The following RBCK1 variants were observed in gnomAD, a reference collection of about 807,000 sequenced individuals.
RBCK1 encodes ranBP-type and C3HC4-type zinc finger-containing protein 1.
RBCK1 carries 44 observed loss-of-function variants against 71.1 expected under a neutral mutation model. That is an observed-to-expected ratio of 0.62 (90% confidence interval 0.49 to 0.80). RBCK1 has a LOEUF of 0.80. Among genes scored for constraint, RBCK1 ranks in the 30% least tolerant of loss-of-function variants. RBCK1 has a pLI of 0.00. For missense variants in RBCK1, 569 were observed against 685.0 expected, an observed-to-expected ratio of 0.83 and a Z score of 1.89; for synonymous variants, 306 against 279.7, an observed-to-expected ratio of 1.09 and a Z score of -0.94.
At chr20:419,536 T>TCA in intron 5 of RBCK1, 22 bp from the exon 6 acceptor site, 1 of 1,606,646 alleles carries the variant, frequency 6.2e-7, no homozygotes, top group Non-Finnish European at 8.5e-7. Context: ...CCAGTCGGGC[T>TCA]CACAGCACCC....
Position 422,109 on chromosome 20 carries a change from TC to T in RBCK1, c.918-14del. 6.3e-7 allele frequency: 1 copy of T among 1,597,622 alleles called. No individual in the cohort carries two copies. Among genetic ancestry groups the T allele is most frequent in the Non-Finnish European group, 8.5e-7 (1 of 1,169,624 alleles). ...GGGGTTCCTATGATCCTAACTCTTTTCCCCTCCCCTCCCCTAGGGAGTGCCT... is the reference window on the plus strand; with the variant it reads ...GGGGTTCCTATGATCCTAACTCTTTTCCCTCCCCTCCCCTAGGGAGTGCCT... On this transcript the variant is annotated splice_polypyrimidine_tract_variant and intron_variant, in intron 7 of 11. Coordinates refer to ENST00000356286, the MANE Select transcript of RBCK1 (RefSeq NM_031229.4). This position sits in a 1 kb window ranked among gnomAD's most constrained non-coding sequence, Gnocchi z 5.0.
chr20:408,726 C>A lies in RBCK1; in HGVS notation c.-32C>A. 3 of 1,607,746 alleles carry A rather than the reference C, an allele frequency of 1.9e-6. No individual in the cohort carries two copies. The highest frequency in any genetic ancestry group is 1.7e-6 in the Non-Finnish European group (2 of 1,178,644). ...GGTAGCATTTCCCAGGAGGCACGGTCCCCCCCAGGGGGATGGGCACAGCCA... is the reference window on the plus strand; with the variant it reads ...GGTAGCATTTCCCAGGAGGCACGGTACCCCCCAGGGGGATGGGCACAGCCA... On this transcript the variant is annotated 5_prime_UTR_variant, in exon 1 of 12. Coordinates refer to ENST00000356286, the MANE Select transcript of RBCK1 (RefSeq NM_031229.4).
At chr20:423,256 G>A (rs1036066841) in intron 8 of RBCK1, among the ~76,000 whole-genome samples, 7 of 152,164 alleles carry the variant, frequency 4.6e-5, no homozygotes, top group African/African-American at 9.7e-5. Flanking sequence ...CTGAGATCGC[G>A]CCATTGCACT....
At chr20:410,115 G>A (rs985900593) in intron 2 of RBCK1, 90 bp downstream of exon 2, 1 of 1,421,446 alleles carries the variant, frequency 7.0e-7, no homozygotes, top group Non-Finnish European at 9.5e-7. Flanking sequence ...GCACGTTCTG[G>A]CTTCAGGAGG....
Position 428,502 on chromosome 20 carries a change from G to A in RBCK1, c.1221G>A (p.Glu407=), listed in dbSNP as rs2122333198. The A allele has an allele frequency of 1.2e-6, 2 of 1,608,924 alleles. No homozygotes were observed. The highest frequency in any genetic ancestry group is 1.7e-6 in the Non-Finnish European group (2 of 1,177,826). The change falls in exon 10 of 12, where the codon GAG becomes GAA. Residue 407 remains glutamate, a synonymous_variant. Transcript: ENST00000356286. The surrounding 1 kb of genome is among the most constrained non-coding windows in gnomAD (Gnocchi z 5.7). ...CTCACCCGCTACAGGCCATCCATGA[G>A]CAGATGAACTGCAAGGAGTATCAGG... ...VNCLLCKAIH[E]QMNCKEYQED...
Position 419,735 on chromosome 20 carries a change from G to A in RBCK1, c.756+4G>A. On this transcript the variant is annotated splice_donor_region_variant and intron_variant, in intron 6 of 11. Coordinates refer to ENST00000356286, the MANE Select transcript of RBCK1 (RefSeq NM_031229.4). The stretch of plus-strand genomic sequence containing the variant: ...GGCGCTGCGTCAGTACCAGCAGGTG[G>A]GCGGGAAAGTCCCTGGACAGACACC... The A allele has an allele frequency of 6.4e-7, 1 of 1,551,664 alleles. No homozygotes were observed. The highest frequency in any genetic ancestry group is 8.7e-7 in the Non-Finnish European group (1 of 1,152,234).
rs2016832414 is a variant in RBCK1, at chr20:428,134, C to CT, written c.1210-356dup. 6.6e-6 allele frequency among the ~76,000 whole-genome samples: 1 copy of CT among 152,192 alleles called. No individual in the cohort carries two copies. The highest frequency in any genetic ancestry group is 2.4e-5 in the African/African-American group (1 of 41,446). ...CAAGCTCAGTCTGGGGTCATTGGGC[C>CT]TGTAACCCCGGGCAGGCCCTTGTTA... On this transcript the variant is annotated intron_variant, in intron 9 of 11. Transcript: ENST00000356286. The surrounding 1 kb of genome is among the most constrained non-coding windows in gnomAD (Gnocchi z 5.7).
In RBCK1 at chr20:417,711, C is replaced by G; in HGVS notation, c.262-21C>G. ...TCCTCTGGCCCTCCCTTCCCACTCT[C>G]CCTCTCTTTGCCCCCACCAGGTTTT... On this transcript the variant is annotated intron_variant, in intron 3 of 11. Coordinates refer to ENST00000356286, the MANE Select transcript of RBCK1 (RefSeq NM_031229.4). This position sits in a 1 kb window ranked among gnomAD's most constrained non-coding sequence, Gnocchi z 4.7. 1.9e-6 allele frequency: 3 copies of G among 1,607,646 alleles called. No homozygotes were observed. The highest frequency in any genetic ancestry group is 2.6e-6 in the Non-Finnish European group (3 of 1,174,532).
chr20:416,154 CTTTTTTT>C (rs548467650), intron 2 of RBCK1, among the ~76,000 whole-genome samples: 2 of 133,472 alleles, frequency 1.5e-5, no homozygotes, highest in Admixed American at 7.6e-5. Context: ...TCAGCAGTCA[CTTTTTTT>C]TTTTTTTTTT....
intron 11 of RBCK1, among the ~76,000 whole-genome samples, chr20:429,827 TACTG>T: frequency 6.6e-6 from 1 of 152,296 alleles, no homozygotes; most frequent in Non-Finnish European, 1.5e-5. Context: ...CTCTGGCACA[TACTG>T]ACTGTGTGAT....
chr20:420,154 C>T, intron 6 of RBCK1: 2 of 985,200 alleles, frequency 2.0e-6, no homozygotes, highest in Non-Finnish European at 2.4e-6. Flanking sequence ...GTGACCTCAC[C>T]CTGGACTCTC....
In RBCK1 at chr20:430,298, G is replaced by C. The variant is rs570093249; in HGVS notation, c.1453-52G>C. On this transcript the variant is annotated intron_variant, in intron 11 of 11. Coordinates refer to ENST00000356286, the MANE Select transcript of RBCK1 (RefSeq NM_031229.4). This position sits in a 1 kb window ranked among gnomAD's most constrained non-coding sequence, Gnocchi z 5.6. The stretch of plus-strand genomic sequence containing the variant: ...GGGGTGGGAGAGCGCTCGGCTGTGG[G>C]GGCAGTCTCTGCACTGCGCTGACAT... 9 of 1,496,952 alleles carry C rather than the reference G, an allele frequency of 6.0e-6. No individual in the cohort carries two copies. The highest frequency in any genetic ancestry group is 7.4e-6 in the Non-Finnish European group (8 of 1,076,024). 92.7% of individuals were successfully genotyped at this position (1,496,952 alleles called of 1,614,324 possible). A position where few individuals can be genotyped will look rare whatever the true frequency, so the allele number is the denominator to read the frequency against.
chr20:411,894 G>A (rs1054610007), intron 2 of RBCK1, among the ~76,000 whole-genome samples: 6 of 152,198 alleles, frequency 3.9e-5, no homozygotes, highest in Non-Finnish European at 7.3e-5. Context: ...TCAGTTGATG[G>A]ACATTTGGGT....
chr20:430,466 C>A lies in RBCK1; in HGVS notation c.*36C>A. The A allele has an allele frequency of 6.4e-7, 1 of 1,553,934 alleles. No individual in the cohort carries two copies. The highest frequency in any genetic ancestry group is 1.4e-5 in the African/African-American group (1 of 73,688). On this transcript the variant is annotated 3_prime_UTR_variant, in exon 12 of 12. Transcript: ENST00000356286. The surrounding 1 kb of genome is among the most constrained non-coding windows in gnomAD (Gnocchi z 5.6). Reference sequence around the variant, plus strand: ...GTGGGGCCACATGCTGACCCAGCCCCACATCCACATTCTGTTAGAATGTAG... The same window carrying A: ...GTGGGGCCACATGCTGACCCAGCCCAACATCCACATTCTGTTAGAATGTAG...
rs142975858 is a variant in RBCK1, at chr20:410,538, G to T, written c.167+513G>T. The T allele has an allele frequency of 1.1e-4, 83 of 779,722 alleles. No homozygotes were observed. The East Asian group carries it at 2.0e-3, about 19-fold the overall frequency. The allele number at this position is 779,722 out of a possible 1,614,324, so 48.3% of individuals were successfully genotyped here. A position where few individuals can be genotyped will look rare whatever the true frequency, so the allele number is the denominator to read the frequency against. ...CTCAAAAATTGTACACACTTCTTCC[G>T]TTAATTCCTGTGGACCAGAACTGAT... On this transcript the variant is annotated intron_variant, in intron 2 of 11. Transcript: ENST00000356286.
chr20:419,837 C>A, intron 6 of RBCK1, 106 bp downstream of exon 6: 2 of 1,450,924 alleles, frequency 1.4e-6, no homozygotes, highest in Non-Finnish European at 1.8e-6. Context: ...TACTGCCTTG[C>A]CCCTCCCAAC....
chr20:408,796 G>A lies in RBCK1; in HGVS notation c.22+17G>A. On this transcript the variant is annotated intron_variant, in intron 1 of 11. Coordinates refer to ENST00000356286, the MANE Select transcript of RBCK1 (RefSeq NM_031229.4). The stretch of plus-strand genomic sequence containing the variant: ...CCAAGAAAGGTGGGCACAGGCTGGA[G>A]GTGGCTGGGGAACTTCCGGTGGGAA... 1 of 1,608,124 alleles carries A rather than the reference G, an allele frequency of 6.2e-7. No individual in the cohort carries two copies. The highest frequency in any genetic ancestry group is 8.5e-7 in the Non-Finnish European group (1 of 1,177,698).
In RBCK1 at chr20:408,665, T is replaced by C; in HGVS notation, c.-93T>C. The stretch of plus-strand genomic sequence containing the variant: ...CGGAGGCCACACGGCCTGGCTGAGT[T>C]GCTCCTGGTCTCCCGCCTCTCCCAG... On this transcript the variant is annotated 5_prime_UTR_variant, in exon 1 of 12. Coordinates refer to ENST00000356286, the MANE Select transcript of RBCK1 (RefSeq NM_031229.4). 3 of 1,538,498 alleles carry C rather than the reference T, an allele frequency of 1.9e-6. No homozygotes were observed. Among genetic ancestry groups the C allele is most frequent in the Non-Finnish European group, 2.7e-6 (3 of 1,131,032 alleles).
In RBCK1 at chr20:408,532, C is replaced by T. The variant is rs2015503777; in HGVS notation, c.-226C>T. 3.3e-6 allele frequency: 2 copies of T among 612,518 alleles called. No individual in the cohort carries two copies. The highest frequency in any genetic ancestry group is 1.9e-5 in the South Asian group (1 of 53,808). 37.9% of individuals were successfully genotyped at this position (612,518 alleles called of 1,614,324 possible). On this transcript the variant is annotated 5_prime_UTR_variant, in exon 1 of 12. Coordinates refer to ENST00000356286, the MANE Select transcript of RBCK1 (RefSeq NM_031229.4). ...CCCAGTGCGGACCTGTCTCGGCGCC[C>T]GCTGCCCTCTCACCGCCCCACGCAG...
Sources: allele counts gnomAD v4.1 joint callset (sites outside exome capture counted in the v4.1 genomes callset), GRCh38; gene constraint gnomAD v4.1.1; non-coding constraint Gnocchi (gnomAD v3.1); transcripts MANE v1.5; gene names NCBI Gene and HGNC (gene_info 2026-07-23, HGNC 2026-07-21).